TSEN54: variants seen among roughly 807,000 people sequenced by gnomAD.
TSEN54 encodes the protein tRNA-splicing endonuclease subunit Sen54.
A neutral mutation model predicts 61.9 loss-of-function variants in TSEN54; 55 were observed. That is an observed-to-expected ratio of 0.89 (90% CI 0.72 to 1.11). TSEN54 has a LOEUF of 1.11. TSEN54 is among the 50% of genes most tolerant of loss of function. The pLI, the probability that TSEN54 is intolerant of heterozygous loss-of-function variation, is 0.00. For synonymous variants in TSEN54, 304 were observed against 288.7 expected (o/e 1.05, Z -0.54); for missense variants, 760 against 687.7 (o/e 1.11, Z -1.18).
intron 1 of TSEN54, 62 bp downstream of exon 1, chr17:75,516,678 C>T (rs1326063367): frequency 6.2e-6 from 8 of 1,295,174 alleles, no homozygotes; most frequent in Non-Finnish European, 2.0e-6. Flanking sequence ...GTAGGGAAAC[C>T]GGCGCCCGGG....
At position 75,516,605 on chromosome 17, in the gene TSEN54, G is replaced by T. The variant is rs1293834655; in HGVS notation, c.45G>T (p.Gly15=). 16 of 1,174,882 alleles carry T rather than the reference G, an allele frequency of 1.4e-5. No individual in the cohort carries two copies. Among genetic ancestry groups the T allele is most frequent in the South Asian group, 8.3e-5 (2 of 24,006 alleles). 72.8% of individuals were successfully genotyped at this position (1,174,882 alleles called of 1,614,324 possible). A position where few individuals can be genotyped will look rare whatever the true frequency, so the allele number is the denominator to read the frequency against. ...CCGCGGCCGTGGAGGTTCCCGCGGGGCGCGTGCTCAGGTGCGGCGCGGCCC... is the reference window on the plus strand; with the variant it reads ...CCGCGGCCGTGGAGGTTCCCGCGGGTCGCGTGCTCAGGTGCGGCGCGGCCC... The part of the protein sequence containing the change: ...PEPAAVEVPA[G]RVLSARELFA... The change falls in exon 1 of 11, where the codon GGG becomes GGT. Residue 15 remains glycine, a synonymous_variant. Coordinates refer to ENST00000333213, the MANE Select transcript of TSEN54 (RefSeq NM_207346.3).
rs1017310967 is a variant in TSEN54 at position 75,517,644 on chromosome 17, C to G, written c.457C>G (p.Leu153Val). 6.2e-7 allele frequency: 1 copy of G among 1,613,792 alleles called. No individual in the cohort carries two copies. Among genetic ancestry groups the G allele is most frequent in the East Asian group, 2.2e-5 (1 of 44,890 alleles). ...GCTGACCGACCACACTGTGACCTTC[C>G]TGCAGTACCAGGTATCTGCCACCAC... ...LLLTDHTVTF[L>V]QYQVFSHLKR... Residue 153 changes from leucine to valine, a missense_variant, in exon 5 of 11, where the codon CTG becomes GTG. Leu to Val is a conservative substitution (Grantham distance 32). Coordinates refer to ENST00000333213, the MANE Select transcript of TSEN54 (RefSeq NM_207346.3).
rs983134865 is a variant in TSEN54 at position 75,519,063 on chromosome 17, G to A, written c.521+16G>A. ...TCCAACCAAGGTAAATCCCCTTCCT[G>A]TTCCCCTTCCATATATTCTAGTCCT... On this transcript the variant is annotated intron_variant, in intron 6 of 10. Transcript: ENST00000333213. 6.2e-7 allele frequency: 1 copy of A among 1,613,566 alleles called. No homozygotes were observed. The highest frequency in any genetic ancestry group is 1.1e-5 in the South Asian group (1 of 91,078).
chr17:75,522,635 T>C (rs1598478009), intron 8 of TSEN54: 1 of 1,043,218 alleles, frequency 9.6e-7, no homozygotes, highest in East Asian at 3.1e-5. Context: ...ACCTGTTAGA[T>C]GGGAAAAGGA....
rs774808311 is a variant in TSEN54 at position 75,522,191 on chromosome 17, C to G, written c.1110C>G (p.Pro370=). Residue 370 remains proline (P), a synonymous_variant, in exon 8 of 11, where the codon CCC becomes CCG. Transcript: ENST00000333213. ...TCCAGGAAGATGTCAACGCCGATCC[C>G]GAGGTGCAGCGGTGCTCCAGCTGGC... ...AQFQEDVNAD[P]EVQRCSSWRE... 1 of 1,547,900 alleles carries G rather than the reference C, an allele frequency of 6.5e-7. No homozygotes were observed. The highest frequency in any genetic ancestry group is 1.4e-5 in the African/African-American group (1 of 72,954).
At chr17:75,521,556 G>A (rs1156792250) in intron 7 of TSEN54, 46 bp downstream of exon 7, 1 of 1,602,128 alleles carries the variant, frequency 6.2e-7, no homozygotes, top group East Asian at 2.2e-5. Flanking sequence ...CTGGTGTCTG[G>A]GACCTTGGAA....
chr17:75,524,532 G>C lies in TSEN54; in HGVS notation c.*120G>C. On this transcript the variant is annotated 3_prime_UTR_variant, in exon 11 of 11. Coordinates refer to ENST00000333213, the MANE Select transcript of TSEN54 (RefSeq NM_207346.3). ...ACCTGTAGCTTCAGAGGCCAGTCTG[G>C]GCCTTGGCCCTGGGTGTCTGATACT... The C allele has an allele frequency of 7.6e-7, 1 of 1,318,242 alleles. No homozygotes were observed. Among genetic ancestry groups the C allele is most frequent in the Non-Finnish European group, 1.1e-6 (1 of 925,216 alleles). The allele number at this position is 1,318,242 out of a possible 1,614,324, so 81.7% of individuals were successfully genotyped here.
Position 75,516,827 on chromosome 17 carries a change from C to T in TSEN54, c.138C>T (p.Asp46=), listed in dbSNP as rs1198632955. Residue 46 remains aspartate, a synonymous_variant, in exon 2 of 11, where the codon GAC becomes GAT. Coordinates refer to ENST00000333213, the MANE Select transcript of TSEN54 (RefSeq NM_207346.3). ...ATGGCCCCAAGGACTTTCTGCCCGA[C>T]GGCTCGGCAGCTCAGGCCGAGCGGC... ...RSHGPKDFLP[D]GSAAQAERLR... 2.5e-6 allele frequency: 4 copies of T among 1,591,186 alleles called. No homozygotes were observed. The African/African-American group carries it at 4.0e-5, about 16-fold the overall frequency.
chr17:75,523,455 G>A (rs577895729), intron 9 of TSEN54, 120 bp downstream of exon 9: 19 of 1,601,954 alleles, frequency 1.2e-5, no homozygotes, highest in Non-Finnish European at 1.6e-5. Flanking sequence ...CTACCCCTAC[G>A]CCTAGCTCTG....
In TSEN54 at chr17:75,522,351, C is replaced by T; in HGVS notation, c.1252+18C>T. On this transcript the variant is annotated intron_variant, in intron 8 of 10. Coordinates refer to ENST00000333213, the MANE Select transcript of TSEN54 (RefSeq NM_207346.3). ...CTCCCCAGGTACCCCCTCAGCCTGC[C>T]ACATCTTCGAGGGCCACTGGCAGCT... 2 of 1,543,682 alleles carry T rather than the reference C, an allele frequency of 1.3e-6. No individual in the cohort carries two copies. Among genetic ancestry groups the T allele is most frequent in the Non-Finnish European group, 1.7e-6 (2 of 1,146,808 alleles).
chr17:75,517,050 T>C lies in TSEN54; in HGVS notation c.263T>C (p.Phe88Ser). 1 of 1,597,100 alleles carries C rather than the reference T, an allele frequency of 6.3e-7. No homozygotes were observed. The highest frequency in any genetic ancestry group is 8.5e-7 in the Non-Finnish European group (1 of 1,172,630). ...GCCGAGTGGAGGCCAGAAGAGGGCT[T>C]CGTGGAGTTGAAGTCTCCCGCGGTG... ...VAAEWRPEEG[F>S]VELKSPAGKF... The change falls in exon 3 of 11, where the codon TTC becomes TCC. Residue 88 changes from phenylalanine (F) to serine (S), a missense_variant. Physicochemically the swap from Phe to Ser is radical, Grantham distance 155 (BLOSUM62 -2). Around this residue, in one of 3 missense-constraint regions of TSEN54, gnomAD observed 667 missense variants for 577.8 expected, o/e 1.15. Transcript: ENST00000333213.
rs553320127 is a variant in TSEN54 at position 75,521,871 on chromosome 17, C to G, written c.790C>G (p.Leu264Val). The change falls in exon 8 of 11, where the codon CTG (leucine) becomes GTG (valine). Residue 264 changes from leucine (L) to valine (V), a missense_variant. Transcript: ENST00000333213. ...PGGPFQLLGS[L>V]GPSPGPAREG... is the part of the protein sequence containing the mutation. ...GGGCCCCTTTCAGCTTCTGGGGTCCCTGGGCCCCAGCCCTGGCCCGGCCAG... is the reference window on the plus strand; with the variant it reads ...GGGCCCCTTTCAGCTTCTGGGGTCCGTGGGCCCCAGCCCTGGCCCGGCCAG... 3.1e-6 allele frequency: 5 copies of G among 1,611,076 alleles called. No homozygotes were observed. In the African/African-American group the frequency reaches 6.7e-5, roughly 21 times the overall value.
chr17:75,522,211 G>T lies in TSEN54; in HGVS notation c.1130G>T (p.Ser377Ile), dbSNP rs1407355140. The change falls in exon 8 of 11, where the codon AGC (serine) becomes ATC (isoleucine). Residue 377 changes from serine (S) to isoleucine (I), a missense_variant. This residue lies in a region of TSEN54 where 667 missense variants were observed against 577.8 expected (regional missense o/e 1.15). Coordinates refer to ENST00000333213, the MANE Select transcript of TSEN54 (RefSeq NM_207346.3). ...GATCCCGAGGTGCAGCGGTGCTCCA[G>T]CTGGCGGGAGTACAAGGAGCTGCTG... Reference protein sequence around the residue: ...NADPEVQRCSSWREYKELLQR... With the variant: ...NADPEVQRCSIWREYKELLQR... 8 of 1,547,700 alleles carry T rather than the reference G, an allele frequency of 5.2e-6. No individual in the cohort carries two copies. Among genetic ancestry groups the T allele is most frequent in the South Asian group, 3.6e-5 (3 of 84,044 alleles).
intron 8 of TSEN54, 41 bp from the exon 9 acceptor site, chr17:75,523,234 T>C: frequency 6.2e-7 from 1 of 1,613,918 alleles, no homozygotes. Flanking sequence ...CTGAGAAATG[T>C]GACTCCCCTC....
At chr17:75,523,847 C>T in intron 10 of TSEN54, 68 bp downstream of exon 10, 1 of 1,522,492 alleles carries the variant, frequency 6.6e-7, no homozygotes, top group Non-Finnish European at 9.0e-7. Flanking sequence ...AAGTGGGACT[C>T]CTCTGTACTC....
Position 75,517,003 on chromosome 17 carries a change from C to T in TSEN54, c.222-6C>T. The T allele has an allele frequency of 6.3e-7, 1 of 1,579,188 alleles. No individual in the cohort carries two copies. The highest frequency in any genetic ancestry group is 8.6e-7 in the Non-Finnish European group (1 of 1,163,136). On this transcript the variant is annotated splice_region_variant and splice_polypyrimidine_tract_variant and intron_variant, in intron 2 of 10. Coordinates refer to ENST00000333213, the MANE Select transcript of TSEN54 (RefSeq NM_207346.3). ...CTGACGCAGACCCCTCCCCACTCCTCGCCAGGGGCAGCTTGGTGGCTGCCG... is the reference window on the plus strand; with the variant it reads ...CTGACGCAGACCCCTCCCCACTCCTTGCCAGGGGCAGCTTGGTGGCTGCCG...
chr17:75,520,706 A>G (rs2053418578), intron 6 of TSEN54, among the ~76,000 whole-genome samples: 1 of 152,154 alleles, frequency 6.6e-6, no homozygotes, highest in Non-Finnish European at 1.5e-5. Flanking sequence ...CTGTAATCCC[A>G]GCACTTTAGG....
chr17:75,521,218 C>A, intron 6 of TSEN54, 191 bp from the exon 7 acceptor site: 1 of 624,232 alleles, frequency 1.6e-6, no homozygotes, highest in South Asian at 1.8e-5. Flanking sequence ...ATTGCCTAGG[C>A]AGAGGCACAT....
chr17:75,520,954 C>CAAAAAAA (rs74269590), intron 6 of TSEN54, among the ~76,000 whole-genome samples: 1 of 95,014 alleles, frequency 1.1e-5, no homozygotes. Context: ...GACTGTGTCT[C>CAAAAAAA]AAAAAAAAAA....
Sources: allele counts gnomAD v4.1 joint callset (sites outside exome capture counted in the v4.1 genomes callset), GRCh38; gene constraint gnomAD v4.1.1; regional missense constraint gnomAD v4.1.1; transcripts MANE v1.5; gene names NCBI Gene and HGNC (gene_info 2026-07-23, HGNC 2026-07-21).